The following HNRNPA1 variants were observed in gnomAD, a reference collection of about 807,000 sequenced individuals.
The protein encoded by HNRNPA1 is heterogeneous nuclear ribonucleoprotein A1.
Under a neutral mutation model 44.4 loss-of-function variants are expected in HNRNPA1, and 7 were observed. The ratio of observed to expected loss-of-function variants is 0.16; its 90% CI spans 0.09 to 0.30. HNRNPA1 has a LOEUF of 0.30. HNRNPA1 is among the 10% of genes least tolerant of loss of function. The probability of loss-of-function intolerance (pLI) is 1.00; values close to 1 mark genes in which losing one functional copy is unlikely to be tolerated. For missense variants in HNRNPA1, 193 were observed against 465.8 expected, an observed-to-expected ratio of 0.41 and a Z score of 5.39; for synonymous variants, 169 against 160.6, an observed-to-expected ratio of 1.05 and a Z score of -0.40.
intron 2 of HNRNPA1, 141 bp from the exon 3 acceptor site, chr12:54,281,654 C>T (rs1259544465): frequency 9.6e-7 from 1 of 1,041,882 alleles, no homozygotes; most frequent in African/African-American, 1.6e-5. Flanking sequence ...TAAAAGCTAC[C>T]TCTTAAATCT....
At position 54,285,231 on chromosome 12, in the gene HNRNPA1, A is replaced by G. The variant is rs1217613427; in HGVS notation, c.*687A>G. On this transcript the variant is annotated 3_prime_UTR_variant, in exon 11 of 11. Coordinates refer to ENST00000340913, the MANE Select transcript of HNRNPA1 (RefSeq NM_031157.4). ...CATTATCATGTGTAATCAATAAACGATTTAATTCTCTTGAATGAAATGACA... is the reference window on the plus strand; with the variant it reads ...CATTATCATGTGTAATCAATAAACGGTTTAATTCTCTTGAATGAAATGACA... The G allele has an allele frequency of 9.2e-5, 14 of 152,798 alleles. No individual in the cohort carries two copies. The highest frequency in any genetic ancestry group is 2.0e-4 in the Admixed American group (3 of 15,296). The allele number at this position is 152,798 out of a possible 1,614,324, so 9.5% of individuals were successfully genotyped here.
In HNRNPA1 at chr12:54,285,713, T is replaced by C. The variant is rs970775994; in HGVS notation, c.*1169T>C. 2.0e-5 allele frequency: 3 copies of C among 152,198 alleles called. No homozygotes were observed. Among genetic ancestry groups the C allele is most frequent in the African/African-American group, 7.2e-5 (3 of 41,450 alleles). The allele number at this position is 152,198 out of a possible 1,614,324, so 9.4% of individuals were successfully genotyped here. ...ATTTCTAAACCTTTAACAGTTAATA[T>C]CCAATAATGTGTTATTTGTACATAG... On this transcript the variant is annotated 3_prime_UTR_variant, in exon 11 of 11. Coordinates refer to ENST00000340913, the MANE Select transcript of HNRNPA1 (RefSeq NM_031157.4).
At chr12:54,282,693 C>A in intron 6 of HNRNPA1, 28 bp downstream of exon 6, 2 of 1,600,344 alleles carry the variant, frequency 1.2e-6, no homozygotes, top group Non-Finnish European at 1.7e-6. Flanking sequence ...ACATGTAGTT[C>A]TGACTTCTCA....
intron 1 of HNRNPA1, chr12:54,281,146 A>G: frequency 2.9e-6 from 2 of 699,842 alleles, no homozygotes; most frequent in Non-Finnish European, 5.2e-6. Flanking sequence ...ATGCACCCCT[A>G]CCGCCCAAGC....
Position 54,281,956 on chromosome 12 carries a change from T to C in HNRNPA1, c.279+15T>C, listed in dbSNP as rs771115525. On this transcript the variant is annotated intron_variant, in intron 3 of 10. Transcript: ENST00000340913. Reference sequence around the variant, plus strand: ...TCTCCAGAGAAGTGAGTGGGTTTTTTTTCTTCTTCTTCTTAAACTTACTTG... The same window carrying C: ...TCTCCAGAGAAGTGAGTGGGTTTTTCTTCTTCTTCTTCTTAAACTTACTTG... 1 of 1,612,032 alleles carries C rather than the reference T, an allele frequency of 6.2e-7. No individual in the cohort carries two copies. Among genetic ancestry groups the C allele is most frequent in the Non-Finnish European group, 8.5e-7 (1 of 1,179,840 alleles).
chr12:54,281,353 C>G (rs1944166043), intron 1 of HNRNPA1, 33 bp from the exon 2 acceptor site: 1 of 1,136,900 alleles, frequency 8.8e-7, no homozygotes, highest in Non-Finnish European at 1.3e-6. Context: ...CGTGTTGTAG[C>G]CCATTTAACA....
At chr12:54,281,076 T>C in intron 1 of HNRNPA1, 1 of 703,638 alleles carries the variant, frequency 1.4e-6, no homozygotes, top group African/African-American at 1.7e-5. Flanking sequence ...ATCTTTGTCT[T>C]TTTTTAAACC....
rs957192125 is a variant in HNRNPA1 at position 54,286,771 on chromosome 12, C to T, written c.*2227C>T. On this transcript the variant is annotated 3_prime_UTR_variant, in exon 11 of 11. Transcript: ENST00000340913. ...AATTAGTGCTCAGCAAAAGAATGCC[C>T]TGCGTTCCCAAAGTAAAAGAATGAC... is the stretch of plus-strand genomic sequence containing the variant. 6.6e-6 allele frequency: 1 copy of T among 152,204 alleles called. No individual in the cohort carries two copies. The highest frequency in any genetic ancestry group is 1.5e-5 in the Non-Finnish European group (1 of 68,038). The allele number at this position is 152,204 out of a possible 1,614,324, so 9.4% of individuals were successfully genotyped here.
Position 54,283,080 on chromosome 12 carries a change from TG to T in HNRNPA1, c.755del (p.Gly252ValfsTer77), listed in dbSNP as rs1944203837. On this transcript the variant is annotated frameshift_variant and splice_region_variant, in exon 8 of 11. Transcript: ENST00000340913. LOFTEE classifies it high-confidence loss of function. ...TTGAGAAGAATTGTATTCTTGTAGG[TG>T]GTTATGGAGGAGGCGGCCCTGGTTA... is the stretch of plus-strand genomic sequence containing the variant. ...DGYNGFGNDG[G>X]YGGGGPGYSG... 1 of 1,612,556 alleles carries T rather than the reference TG, an allele frequency of 6.2e-7. No homozygotes were observed. The highest frequency in any genetic ancestry group is 2.2e-5 in the East Asian group (1 of 44,878).
chr12:54,283,266 G>A, intron 8 of HNRNPA1, 32 bp downstream of exon 8: 4 of 1,605,958 alleles, frequency 2.5e-6, no homozygotes, highest in Non-Finnish European at 3.4e-6. Context: ...TACTTGGTGT[G>A]ACAGCTAGAT....
At chr12:54,284,151 G>A in intron 9 of HNRNPA1, 107 bp from the exon 10 acceptor site, 1 of 1,301,434 alleles carries the variant, frequency 7.7e-7, no homozygotes, top group Non-Finnish European at 1.1e-6. Context: ...CTTGTAGTAG[G>A]GCCATTTTTA....
chr12:54,284,080 C>A, intron 9 of HNRNPA1, 113 bp downstream of exon 9: 1 of 1,366,012 alleles, frequency 7.3e-7, no homozygotes, highest in South Asian at 1.4e-5. Context: ...AGTTTAGAAC[C>A]TTCAGAAAGT....
intron 1 of HNRNPA1, chr12:54,281,149 G>C: frequency 1.4e-6 from 1 of 699,230 alleles, no homozygotes; most frequent in Non-Finnish European, 2.6e-6. Flanking sequence ...CACCCCTACC[G>C]CCCAAGCCTT....
At chr12:54,281,687 C>T (rs1944173978) in intron 2 of HNRNPA1, 108 bp from the exon 3 acceptor site, 1 of 1,266,902 alleles carries the variant, frequency 7.9e-7, no homozygotes. Context: ...AACTGGACGA[C>T]TTTTTATAAA....
intron 1 of HNRNPA1, 156 bp from the exon 2 acceptor site, chr12:54,281,230 A>G (rs915760417): frequency 1.4e-5 from 10 of 715,044 alleles, no homozygotes; most frequent in Non-Finnish European, 2.6e-5. Flanking sequence ...CAACTCCAGC[A>G]TACGGCCTCC....
intron 2 of HNRNPA1, 115 bp from the exon 3 acceptor site, chr12:54,281,680 T>C (rs1944173725): frequency 8.3e-7 from 1 of 1,204,544 alleles, no homozygotes; most frequent in African/African-American, 1.5e-5. Context: ...AGTGGGAAAC[T>C]GGACGACTTT....
At chr12:54,283,019 T>C (rs1944202169) in intron 7 of HNRNPA1, 60 bp from the exon 8 acceptor site, 2 of 1,583,096 alleles carry the variant, frequency 1.3e-6, no homozygotes, top group African/African-American at 2.7e-5. Flanking sequence ...GCCGTTACAC[T>C]TGCACAAGTT....
At chr12:54,282,693 C>T (rs1944194408) in intron 6 of HNRNPA1, 28 bp downstream of exon 6, 1 of 1,600,226 alleles carries the variant, frequency 6.2e-7, no homozygotes, top group Admixed American at 1.7e-5. Flanking sequence ...ACATGTAGTT[C>T]TGACTTCTCA....
Position 54,284,044 on chromosome 12 carries a change from C to T in HNRNPA1, c.1063+77C>T. On this transcript the variant is annotated intron_variant, in intron 9 of 10. Transcript: ENST00000340913. ...TGCTGGGAAGAAAGCCCTTTAACTG[C>T]TATGTCTGGGCAGCAAAACGTTTAT... is the stretch of plus-strand genomic sequence containing the variant. 7 of 1,511,026 alleles carry T rather than the reference C, an allele frequency of 4.6e-6. No homozygotes were observed. In the South Asian group the frequency reaches 8.2e-5, roughly 18 times the overall value. 93.6% of individuals were successfully genotyped at this position (1,511,026 alleles called of 1,614,324 possible).
Sources: gnomAD v4.1 joint callset for allele counts on GRCh38, gnomAD v4.1.1 for gene constraint, MANE v1.5 for transcripts, NCBI Gene and HGNC (gene_info 2026-07-23, HGNC 2026-07-21) for gene names.